The following SLC66A2 variants were observed in gnomAD, a reference collection of about 807,000 sequenced individuals.
The protein encoded by SLC66A2 is solute carrier family 66 member 2.
A neutral mutation model predicts 25.5 loss-of-function variants in SLC66A2; 23 were observed. The ratio of observed to expected loss-of-function variants is 0.90; its 90% CI spans 0.65 to 1.28. The LOEUF (loss-of-function observed/expected upper bound fraction) is 1.28, where lower values mean the gene tolerates loss of function less well. SLC66A2 is among the 50% of genes most tolerant of loss of function. SLC66A2 has a pLI of 0.00. For synonymous variants in SLC66A2, 193 were observed against 166.5 expected (o/e 1.16, Z -1.23); for missense variants, 396 against 373.1 (o/e 1.06, Z -0.51).
intron 3 of SLC66A2, among the ~76,000 whole-genome samples, chr18:79,935,112 A>G (rs1490986463): frequency 1.1e-4 from 17 of 151,840 alleles, no homozygotes; most frequent in Admixed American, 9.8e-4. Flanking sequence ...CGCCTCTTCT[A>G]AAGACCAAGA....
intron 2 of SLC66A2, among the ~76,000 whole-genome samples, chr18:79,945,389 C>G (rs2050892548): frequency 6.6e-6 from 1 of 152,192 alleles, no homozygotes; most frequent in Non-Finnish European, 1.5e-5. Context: ...GGCAAGCAGA[C>G]AAGCTGCATC....
Position 79,919,328 on chromosome 18 carries a change from C to A in SLC66A2, c.464G>T (p.Gly155Val). The A allele has an allele frequency of 6.2e-7, 1 of 1,613,300 alleles. No individual in the cohort carries two copies. The highest frequency in any genetic ancestry group is 8.5e-7 in the Non-Finnish European group (1 of 1,180,024). Reference protein sequence around the residue: ...DYVQCVLAFTGVAGYITYLSI... With the variant: ...DYVQCVLAFTVVAGYITYLSI... ...CAGGTAGGTGATGTAGCCCGCCACG[C>A]CCGTGAAGGCCAGGACGCACTGCAC... Residue 155 changes from glycine to valine, a missense_variant, in exon 5 of 6, where the codon GGC becomes GTC. Coordinates refer to ENST00000397778, the MANE Select transcript of SLC66A2 (RefSeq NM_025078.5).
rs187878075 is a variant in SLC66A2 at position 79,940,231 on chromosome 18, G to T, written c.337+3098C>A. Among the ~76,000 whole-genome samples the T allele has an allele frequency of 3.9e-5, 6 of 152,250 alleles. No homozygotes were observed. The East Asian group carries it at 1.2e-3, about 29-fold the overall frequency. Reference sequence around the variant, plus strand: ...AACAACAGCCACTAGAGCCTGTCGGGGGGTGGAGAGCAGGAGGAGGGAGAG... The same window carrying T: ...AACAACAGCCACTAGAGCCTGTCGGTGGGTGGAGAGCAGGAGGAGGGAGAG... On this transcript the variant is annotated intron_variant, in intron 3 of 5. Transcript: ENST00000397778. The surrounding 1 kb of genome is among the most constrained non-coding windows in gnomAD (Gnocchi z 4.1).
At chr18:79,909,103 T>G (rs1204278534) in intron 5 of SLC66A2, among the ~76,000 whole-genome samples, 1 of 152,256 alleles carries the variant, frequency 6.6e-6, no homozygotes, top group African/African-American at 2.4e-5. Flanking sequence ...CATGGTCCTA[T>G]CAACAGTGTT....
intron 4 of SLC66A2, among the ~76,000 whole-genome samples, chr18:79,926,704 C>T (rs1985999450): frequency 2.0e-5 from 3 of 150,606 alleles, no homozygotes; most frequent in South Asian, 4.2e-4. Flanking sequence ...AATTAAGAAA[C>T]ATTACATTCA....
rs1209003632 is a variant in SLC66A2 at position 79,918,485 on chromosome 18, G to T, written c.608+699C>A. 6.6e-6 allele frequency among the ~76,000 whole-genome samples: 1 copy of T among 151,888 alleles called. No homozygotes were observed. ...TCCCCAGTGAGGAGCGGCACCGGGG[G>T]GTCCCCAGTGAGGAGCGGGCCTGGG... On this transcript the variant is annotated intron_variant, in intron 5 of 5. Transcript: ENST00000397778. The surrounding 1 kb of genome is among the most constrained non-coding windows in gnomAD (Gnocchi z 4.0).
intron 3 of SLC66A2, among the ~76,000 whole-genome samples, chr18:79,942,483 C>G (rs557202495): frequency 1.1e-4 from 17 of 152,184 alleles, no homozygotes; most frequent in Non-Finnish European, 1.8e-4. Context: ...AATAGAAACA[C>G]AGGGACACAG....
In SLC66A2 at chr18:79,918,598, T is replaced by C. The variant is rs931905242; in HGVS notation, c.608+586A>G. ...TACAATGCAGTTTCCATCCAGGACC[T>C]TGACTGAGCCCGTGGGCATCATGCT... On this transcript the variant is annotated intron_variant, in intron 5 of 5. Transcript: ENST00000397778. This position sits in a 1 kb window ranked among gnomAD's most constrained non-coding sequence, Gnocchi z 4.0. 6.6e-5 allele frequency among the ~76,000 whole-genome samples: 10 copies of C among 152,254 alleles called. No individual in the cohort carries two copies. Among genetic ancestry groups the C allele is most frequent in the Non-Finnish European group, 1.0e-4 (7 of 68,040 alleles).
At chr18:79,932,810 T>A (rs1036217033) in intron 4 of SLC66A2, among the ~76,000 whole-genome samples, 1 of 152,146 alleles carries the variant, frequency 6.6e-6, no homozygotes, top group Non-Finnish European at 1.5e-5. Flanking sequence ...AATTCGTAAT[T>A]TTAAAACTTC....
rs1368147230 is a variant in SLC66A2 at position 79,918,221 on chromosome 18, C to T, written c.608+963G>A. ...AGAGAGTGCTGTGGCCCCTGGGCAC[C>T]CGTTCTCCAACACAAAAACGCGTCA... On this transcript the variant is annotated intron_variant, in intron 5 of 5. Transcript: ENST00000397778. This position sits in a 1 kb window ranked among gnomAD's most constrained non-coding sequence, Gnocchi z 4.0. Among the ~76,000 whole-genome samples, 2 of 152,212 alleles carry T rather than the reference C, an allele frequency of 1.3e-5. No individual in the cohort carries two copies. Among genetic ancestry groups the T allele is most frequent in the African/African-American group, 4.8e-5 (2 of 41,448 alleles).
In SLC66A2 at chr18:79,919,518, C is replaced by T. The variant is rs796102504; in HGVS notation, c.392-118G>A. 153 of 468,708 alleles carry T rather than the reference C, an allele frequency of 3.3e-4. 5 individuals carry two copies. Among genetic ancestry groups the T allele is most frequent in the African/African-American group, 2.9e-3 (136 of 46,160 alleles). 29.0% of individuals were successfully genotyped at this position (468,708 alleles called of 1,614,324 possible). On this transcript the variant is annotated intron_variant, in intron 4 of 5. Transcript: ENST00000397778. ...AAGGTCAGTGGGGAGAGACAGGAACCGAGGGAGAGGTCAAGGTCAGTGGGG... is the reference window on the plus strand; with the variant it reads ...AAGGTCAGTGGGGAGAGACAGGAACTGAGGGAGAGGTCAAGGTCAGTGGGG...
intron 4 of SLC66A2, among the ~76,000 whole-genome samples, chr18:79,925,615 T>C (rs2144826283): frequency 6.6e-6 from 1 of 152,300 alleles, no homozygotes; most frequent in Middle Eastern, 3.4e-3. Flanking sequence ...GCACCCCCCA[T>C]GGGGAGCCCT....
At chr18:79,910,711 G>T (rs1307160437) in intron 5 of SLC66A2, among the ~76,000 whole-genome samples, 1 of 152,250 alleles carries the variant, frequency 6.6e-6, no homozygotes, top group African/African-American at 2.4e-5. Context: ...GCACCCCGGA[G>T]AATCTGCTGA....
At chr18:79,912,946 A>C (rs899163605) in intron 5 of SLC66A2, among the ~76,000 whole-genome samples, 4 of 152,084 alleles carry the variant, frequency 2.6e-5, no homozygotes, top group African/African-American at 9.7e-5. Context: ...GGGGGTTCTG[A>C]GTGTCATGAA....
intron 4 of SLC66A2, among the ~76,000 whole-genome samples, chr18:79,925,827 C>G (rs1241414873): frequency 6.6e-6 from 1 of 152,226 alleles, no homozygotes; most frequent in African/African-American, 2.4e-5. Flanking sequence ...GGCATTGGAG[C>G]AAGAGCAACT....
Position 79,950,947 on chromosome 18 carries a change from G to A in SLC66A2, c.-21C>T, listed in dbSNP as rs756711323. The stretch of plus-strand genomic sequence containing the variant: ...TCCATCGCAGCGCCCGCCTGGCCGA[G>A]GCTGTCACGGGCTCCGCGCCCCGCG... On this transcript the variant is annotated 5_prime_UTR_variant, in exon 2 of 6. Coordinates refer to ENST00000397778, the MANE Select transcript of SLC66A2 (RefSeq NM_025078.5). 1.7e-4 allele frequency: 251 copies of A among 1,497,046 alleles called. No individual in the cohort carries two copies. Among genetic ancestry groups the A allele is most frequent in the Non-Finnish European group, 2.1e-4 (235 of 1,120,240 alleles). The allele number at this position is 1,497,046 out of a possible 1,614,324, so 92.7% of individuals were successfully genotyped here.
intron 5 of SLC66A2, among the ~76,000 whole-genome samples, chr18:79,913,269 T>G (rs1400042876): frequency 1.3e-5 from 2 of 152,130 alleles, no homozygotes; most frequent in Non-Finnish European, 2.9e-5. Context: ...GTGTCTGTAT[T>G]CCGCATTTCA....
chr18:79,912,653 T>G (rs759593867), intron 5 of SLC66A2, among the ~76,000 whole-genome samples: 13 of 152,030 alleles, frequency 8.6e-5, no homozygotes, highest in Admixed American at 7.2e-4. Flanking sequence ...TGACTGCCAG[T>G]GGCCGCGGGG....
At chr18:79,944,823 T>C (rs1599658635) in intron 2 of SLC66A2, 1 of 152,588 alleles carries the variant, frequency 6.6e-6, no homozygotes, top group African/African-American at 2.4e-5. Flanking sequence ...CCAGCTCCCA[T>C]GCAGCATCCC....
Sources: allele counts gnomAD v4.1 joint callset (sites outside exome capture counted in the v4.1 genomes callset), GRCh38; gene constraint gnomAD v4.1.1; non-coding constraint Gnocchi (gnomAD v3.1); transcripts MANE v1.5; gene names NCBI Gene and HGNC (gene_info 2026-07-23, HGNC 2026-07-21).